The following BMP6 variants were observed in gnomAD, a reference collection of about 807,000 sequenced individuals.
BMP6 encodes the protein VG-1-R.
BMP6 carries 17 observed loss-of-function variants against 54.1 expected under a neutral mutation model. The observed-to-expected ratio is 0.31, with a 90% CI of 0.22 to 0.47. BMP6 has a LOEUF of 0.47. Ranked by LOEUF, BMP6 falls within the 20% of genes least tolerant of loss-of-function variation. The pLI is 1.00. For synonymous variants in BMP6, 328 were observed against 291.2 expected (o/e 1.13, Z -1.28); for missense variants, 720 against 690.4 (o/e 1.04, Z -0.48).
intron 1 of BMP6, among the ~76,000 whole-genome samples, chr6:7,794,604 G>GAAAA (rs58889692): frequency 3.4e-5 from 4 of 119,184 alleles, no homozygotes; most frequent in Admixed American, 8.8e-5. Flanking sequence ...TGTCCCAAAA[G>GAAAA]AAAAAAAAAA....
chr6:7,754,135 T>C (rs1201446880), intron 1 of BMP6, among the ~76,000 whole-genome samples: 1 of 152,208 alleles, frequency 6.6e-6, no homozygotes, highest in Non-Finnish European at 1.5e-5. Flanking sequence ...TCTTTCTTTT[T>C]GAAACAGAGT....
At chr6:7,735,465 A>G (rs955903224) in intron 1 of BMP6, among the ~76,000 whole-genome samples, 4 of 152,256 alleles carry the variant, frequency 2.6e-5, no homozygotes, top group Non-Finnish European at 5.9e-5. Context: ...TGAGTTTTGT[A>G]AACTACAAAA....
intron 1 of BMP6, among the ~76,000 whole-genome samples, chr6:7,805,383 G>A (rs796178432): frequency 8.5e-5 from 13 of 152,264 alleles, no homozygotes; most frequent in African/African-American, 2.9e-4. Flanking sequence ...ACACACACAC[G>A]ATTATTATCT....
chr6:7,877,863 C>T (rs1475183633), intron 4 of BMP6, among the ~76,000 whole-genome samples: 1 of 152,136 alleles, frequency 6.6e-6, no homozygotes, highest in Non-Finnish European at 1.5e-5. Flanking sequence ...TTTCTCTCTC[C>T]GTCGTTTCTC....
At chr6:7,865,324 G>A (rs1759402200) in intron 4 of BMP6, among the ~76,000 whole-genome samples, 1 of 152,022 alleles carries the variant, frequency 6.6e-6, no homozygotes, top group Non-Finnish European at 1.5e-5. Context: ...GTCCCTTTCA[G>A]TAGTACAAAG....
At chr6:7,868,862 ACCTCTCTCCCTCTC>A (rs1465542660) in intron 4 of BMP6, among the ~76,000 whole-genome samples, 1 of 149,878 alleles carries the variant, frequency 6.7e-6, no homozygotes, top group Admixed American at 6.6e-5. Context: ...CTCCCTGCCC[ACCTCTCTCCCTCTC>A]CCTCCCCACC....
intron 1 of BMP6, among the ~76,000 whole-genome samples, chr6:7,788,004 A>G (rs1758043362): frequency 6.6e-6 from 1 of 152,190 alleles, no homozygotes; most frequent in Non-Finnish European, 1.5e-5. Context: ...CCAGCCTGAT[A>G]TAACTTTAAG....
At chr6:7,874,040 A>T (rs1759568751) in intron 4 of BMP6, among the ~76,000 whole-genome samples, 1 of 152,060 alleles carries the variant, frequency 6.6e-6, no homozygotes. Context: ...AACCCAGGAC[A>T]CCTTTAGGAG....
intron 1 of BMP6, among the ~76,000 whole-genome samples, chr6:7,779,458 C>T (rs899184295): frequency 6.6e-6 from 1 of 152,140 alleles, no homozygotes; most frequent in African/African-American, 2.4e-5. Flanking sequence ...CCTACCTCAG[C>T]CTCCCGAGTA....
intron 1 of BMP6, among the ~76,000 whole-genome samples, chr6:7,808,914 T>A (rs1031135989): frequency 2.1e-4 from 19 of 88,946 alleles, no homozygotes; most frequent in Non-Finnish European, 3.4e-4. Flanking sequence ...ACCCTGTCTC[T>A]AAAAAAAAAA....
At position 7,727,483 on chromosome 6, in the gene BMP6, G is replaced by C. The variant is rs771926091; in HGVS notation, c.528G>C (p.Pro176=). 2 of 1,593,762 alleles carry C rather than the reference G, an allele frequency of 1.3e-6. No homozygotes were observed. Among genetic ancestry groups the C allele is most frequent in the Non-Finnish European group, 1.7e-6 (2 of 1,175,170 alleles). Residue 176 remains proline (P), a synonymous_variant, in exon 1 of 7, where the codon CCG becomes CCC. Coordinates refer to ENST00000283147, the MANE Select transcript of BMP6 (RefSeq NM_001718.6). ...ASSSQRRQPP[P]GAAHPLNRKS... ...CGTCCCAGCGTCGGCAGCCGCCCCC[G>C]GGCGCCGCGCACCCGCTCAACCGCA... is the stretch of plus-strand genomic sequence containing the variant.
At chr6:7,851,727 T>A (rs2113262910) in intron 2 of BMP6, among the ~76,000 whole-genome samples, 1 of 152,244 alleles carries the variant, frequency 6.6e-6, no homozygotes, top group South Asian at 2.1e-4. Context: ...CTTCAGTAGA[T>A]AAAGGAAATT....
intron 1 of BMP6, among the ~76,000 whole-genome samples, chr6:7,839,338 G>C (rs1029593499): frequency 3.3e-5 from 5 of 152,188 alleles, no homozygotes; most frequent in Non-Finnish European, 7.3e-5. Context: ...TGCTTTAACA[G>C]TTTTTAAGTG....
At chr6:7,774,509 G>A (rs745852474) in intron 1 of BMP6, among the ~76,000 whole-genome samples, 9 of 152,194 alleles carry the variant, frequency 5.9e-5, no homozygotes, top group East Asian at 5.8e-4. Flanking sequence ...CCAAGATCGC[G>A]CCACTGCACT....
chr6:7,731,316 C>T (rs1761853671), intron 1 of BMP6, among the ~76,000 whole-genome samples: 2 of 152,166 alleles, frequency 1.3e-5, no homozygotes, highest in Admixed American at 6.5e-5. Flanking sequence ...GAGAGGTATC[C>T]TTCAGGTCTT....
At chr6:7,803,005 C>G (rs1758294639) in intron 1 of BMP6, among the ~76,000 whole-genome samples, 1 of 152,098 alleles carries the variant, frequency 6.6e-6, no homozygotes. Context: ...ACCTTTCTTT[C>G]CAAGGAGGGA....
At position 7,727,592 on chromosome 6, in the gene BMP6, G is replaced by A. The variant is rs376562356; in HGVS notation, c.637G>A (p.Asp213Asn). The A allele has an allele frequency of 1.9e-5, 30 of 1,577,688 alleles. 1 individual carries two copies. Among genetic ancestry groups the A allele is most frequent in the African/African-American group, 6.8e-5 (5 of 73,528 alleles). The change falls in exon 1 of 7, where the codon GAC becomes AAC. Residue 213 changes from aspartate to asparagine, a missense_variant. Asp to Asn is a conservative substitution (Grantham distance 23). This residue lies in a region of BMP6 where 650 missense variants were observed against 556.3 expected (regional missense o/e 1.17). Transcript: ENST00000283147. ...AQDSAFLNDA[D>N]MVMSFVNLVE... ...GGACAGCGCCTTCCTCAACGACGCG[G>A]ACATGGTCATGAGCTTTGTGAACCT...
intron 1 of BMP6, among the ~76,000 whole-genome samples, chr6:7,729,100 AT>A (rs1761803564): frequency 6.6e-6 from 1 of 152,166 alleles, no homozygotes; most frequent in Non-Finnish European, 1.5e-5. Context: ...CGGGGTTCTG[AT>A]TGGACAAGAA....
intron 1 of BMP6, among the ~76,000 whole-genome samples, chr6:7,811,692 C>A (rs1038653693): frequency 1.3e-5 from 2 of 152,120 alleles, no homozygotes; most frequent in African/African-American, 4.8e-5. Context: ...TATAATTTGA[C>A]CTAATTGATT....
Sources: allele counts gnomAD v4.1 joint callset (sites outside exome capture counted in the v4.1 genomes callset), GRCh38; gene constraint gnomAD v4.1.1; regional missense constraint gnomAD v4.1.1; transcripts MANE v1.5; gene names NCBI Gene and HGNC (gene_info 2026-07-23, HGNC 2026-07-21).